The following SORCS1 variants were observed in gnomAD, a reference collection of about 807,000 sequenced individuals.
The protein encoded by SORCS1 is VPS10 domain-containing receptor SorCS1.
Under a neutral mutation model 146.1 loss-of-function variants are expected in SORCS1, and 60 were observed. The ratio of observed to expected loss-of-function variants is 0.41; its 90% CI spans 0.33 to 0.51. The LOEUF (loss-of-function observed/expected upper bound fraction) is 0.51, where lower values mean the gene tolerates loss of function less well. Ranked by LOEUF, SORCS1 falls within the 20% of genes least tolerant of loss-of-function variation. The pLI is 0.21. For missense variants in SORCS1, 1,352 were observed against 1,487.6 expected (o/e 0.91, Z 1.50); for synonymous variants, 637 against 584.0 (o/e 1.09, Z -1.31).
At chr10:107,178,905 A>G in the SORCS1 span, among the ~76,000 whole-genome samples, 1 of 152,174 alleles carries the variant, frequency 6.6e-6, no homozygotes, top group South Asian at 2.1e-4. Context: ...AGCTATCATG[A>G]ATAGTACTGC....
At chr10:106,651,556 T>C (rs938380037) in intron 18 of SORCS1, among the ~76,000 whole-genome samples, 5 of 152,152 alleles carry the variant, frequency 3.3e-5, no homozygotes, top group African/African-American at 1.2e-4. Flanking sequence ...TGGAAGTCAA[T>C]GTTATGTATT....
At chr10:106,903,255 A>G (rs1951786511) in intron 2 of SORCS1, among the ~76,000 whole-genome samples, 1 of 152,190 alleles carries the variant, frequency 6.6e-6, no homozygotes, top group Admixed American at 6.5e-5. Flanking sequence ...TGCTAATTCT[A>G]AGGATTCATG....
chr10:106,893,291 A>G (rs1054383759), intron 2 of SORCS1, among the ~76,000 whole-genome samples: 1 of 152,202 alleles, frequency 6.6e-6, no homozygotes, highest in African/African-American at 2.4e-5. Context: ...AAAAATAATA[A>G]TGGATGAAGC....
In SORCS1 at chr10:106,721,531, A is replaced by C. The variant is rs11597810; in HGVS notation, c.1024+8519T>G. Among the ~76,000 whole-genome samples, 1,295 of 152,354 alleles carry C rather than the reference A, an allele frequency of 8.5e-3. 15 individuals are homozygous for C. The highest frequency in any genetic ancestry group is 0.013 in the Admixed American group (194 of 15,306). ...TAATTAAATAAATACAGATTAAAAC[A>C]ATAAGGATATGCCTTTTTAAAATTT... On this transcript the variant is annotated intron_variant, in intron 6 of 25. Coordinates refer to ENST00000263054, the MANE Select transcript of SORCS1 (RefSeq NM_052918.5).
At chr10:106,862,087 A>G (rs7350434) in intron 2 of SORCS1, among the ~76,000 whole-genome samples, 64,011 of 151,982 alleles carry the variant, frequency 0.42, 13,548 homozygotes, top group African/African-American at 0.44. Flanking sequence ...AATTGGAGAC[A>G]ACTGGACCAG....
At chr10:106,612,424 C>T (rs915072443) in intron 21 of SORCS1, among the ~76,000 whole-genome samples, 1 of 138,948 alleles carries the variant, frequency 7.2e-6, no homozygotes, top group African/African-American at 2.6e-5. Context: ...GTGACCGATA[C>T]CATCCAGTTA....
At position 107,152,616 on chromosome 10, in the gene SORCS1, T is replaced by TC. The variant is rs1247627608; in HGVS notation, c.558+11352dup. 7.2e-5 allele frequency among the ~76,000 whole-genome samples: 11 copies of TC among 152,126 alleles called. No individual in the cohort carries two copies. In the East Asian group the frequency reaches 2.1e-3, roughly 29 times the overall value. On this transcript the variant is annotated intron_variant, in intron 1 of 25. Transcript: ENST00000263054. ...GATCTGATGGTTTTATAAGGGGCTT[T>TC]CCCCCCACTTCACTCTGCACCTCTC...
intron 1 of SORCS1, among the ~76,000 whole-genome samples, chr10:107,022,138 G>A (rs1000608212): frequency 6.6e-6 from 1 of 152,104 alleles, no homozygotes; most frequent in African/African-American, 2.4e-5. Flanking sequence ...GAATACGGAG[G>A]TTTCAGAACC....
At chr10:107,036,432 A>G (rs1958909245) in intron 1 of SORCS1, among the ~76,000 whole-genome samples, 1 of 152,164 alleles carries the variant, frequency 6.6e-6, no homozygotes, top group African/African-American at 2.4e-5. Flanking sequence ...TGAGATAGAA[A>G]TGAGGAGTCT....
intron 1 of SORCS1, among the ~76,000 whole-genome samples, chr10:107,048,621 T>C (rs1265003881): frequency 6.6e-6 from 1 of 152,190 alleles, no homozygotes; most frequent in Non-Finnish European, 1.5e-5. Flanking sequence ...ATGGCGTACG[T>C]GAAGATGGAA....
intron 2 of SORCS1, among the ~76,000 whole-genome samples, chr10:106,847,889 G>A (rs576181691): frequency 1.3e-5 from 2 of 150,602 alleles, no homozygotes; most frequent in South Asian, 4.2e-4. Flanking sequence ...ATGTAGTTGA[G>A]TGGCTTTCAG....
At chr10:107,052,855 A>G (rs576876072) in intron 1 of SORCS1, among the ~76,000 whole-genome samples, 1 of 152,240 alleles carries the variant, frequency 6.6e-6, no homozygotes, top group African/African-American at 2.4e-5. Context: ...CCTGAAATCC[A>G]TATTTGTAGA....
At chr10:106,651,770 T>C (rs1849883136) in intron 18 of SORCS1, among the ~76,000 whole-genome samples, 1 of 152,220 alleles carries the variant, frequency 6.6e-6, no homozygotes, top group Admixed American at 6.5e-5. Flanking sequence ...GTGTATGTTC[T>C]AAAATATATA....
intron 1 of SORCS1, among the ~76,000 whole-genome samples, chr10:107,099,364 T>C (rs1170421117): frequency 6.6e-6 from 1 of 152,218 alleles, no homozygotes; most frequent in Non-Finnish European, 1.5e-5. Context: ...CATCTCTTAA[T>C]ATGTGACCCT....
At chr10:106,750,728 CAAAAAAAAAAAAAAAAAAAA>C (rs572295853) in intron 5 of SORCS1, among the ~76,000 whole-genome samples, 3 of 24,026 alleles carry the variant, frequency 1.2e-4, no homozygotes, top group South Asian at 2.7e-3. Flanking sequence ...GACTCCCTCT[CAAAAAAAAAAAAAAAAAAAA>C]AAAAAAAAAA....
At chr10:107,005,658 T>G (rs1025822131) in intron 1 of SORCS1, among the ~76,000 whole-genome samples, 2 of 152,236 alleles carry the variant, frequency 1.3e-5, no homozygotes, top group African/African-American at 4.8e-5. Flanking sequence ...TTTCCTTTTT[T>G]GTACTTTTCT....
intron 1 of SORCS1, among the ~76,000 whole-genome samples, chr10:106,964,841 T>C (rs762082675): frequency 9.9e-5 from 15 of 151,462 alleles, no homozygotes; most frequent in Non-Finnish European, 1.9e-4. Context: ...CTCTAACTCC[T>C]GGCCTGAAAT....
chr10:107,160,210 T>C (rs377755514), intron 1 of SORCS1, among the ~76,000 whole-genome samples: 1 of 152,244 alleles, frequency 6.6e-6, no homozygotes. Context: ...ATCTAAAATA[T>C]AAACTCCAAA....
chr10:107,115,140 A>G (rs1965942985), intron 1 of SORCS1, among the ~76,000 whole-genome samples: 1 of 152,158 alleles, frequency 6.6e-6, no homozygotes, highest in South Asian at 2.1e-4. Context: ...GTGTTTATGG[A>G]TTGGAAGAAT....
Sources: gnomAD v4.1 joint callset for allele counts (sites outside exome capture counted in the v4.1 genomes callset) on GRCh38, gnomAD v4.1.1 for gene constraint, MANE v1.5 for transcripts, NCBI Gene and HGNC (gene_info 2026-07-23, HGNC 2026-07-21) for gene names.